CRISP3: variants seen among roughly 807,000 people sequenced by gnomAD.
The protein encoded by CRISP3 is cysteine-rich secretory protein 3.
Under a neutral mutation model 36.1 loss-of-function variants are expected in CRISP3, and 33 were observed. That is an observed-to-expected ratio of 0.91 (90% CI 0.69 to 1.22). CRISP3 has a LOEUF of 1.22. CRISP3 is among the 50% of genes most tolerant of loss of function. The pLI is 0.00. For synonymous variants in CRISP3, 117 were observed against 104.6 expected, an observed-to-expected ratio of 1.12 and a Z score of -0.72; for missense variants, 330 against 301.2, an observed-to-expected ratio of 1.10 and a Z score of -0.71.
intron 1 of CRISP3, among the ~76,000 whole-genome samples, chr6:49,740,361 G>A (rs1769166071): frequency 6.6e-6 from 1 of 152,308 alleles, no homozygotes; most frequent in Middle Eastern, 3.4e-3. Context: ...GCTAAGAGAA[G>A]AATTAATCAA....
In CRISP3 at chr6:49,741,613, T is replaced by A. The variant is rs1006896523; in HGVS notation, c.37+2718A>T. Among the ~76,000 whole-genome samples the A allele has an allele frequency of 3.4e-3, 323 of 95,714 alleles. 2 individuals carry two copies. The highest frequency in any genetic ancestry group is 7.1e-3 in the Admixed American group (71 of 9,956). 62.8% of individuals were successfully genotyped at this position (95,714 alleles called of 152,430 possible). On this transcript the variant is annotated intron_variant, in intron 1 of 7. Transcript: ENST00000263045. ...ATTAAATTCAACCCCTGTATGTAGT[T>A]TTTTTTTTTTTTTTTTTTTTTAAAG... is the stretch of plus-strand genomic sequence containing the variant.
In CRISP3 at chr6:49,733,881, A is replaced by C. The variant is rs534759956; in HGVS notation, c.317-33T>G. 168 of 1,603,024 alleles carry C rather than the reference A, an allele frequency of 1.0e-4. 1 individual carries two copies. In the East Asian group the frequency reaches 3.7e-3, roughly 35 times the overall value. ...GGAACAGACCACTCATGAGGAAAGC[A>C]ATAAAGCATGCAATGGCAAAATACA... On this transcript the variant is annotated intron_variant, in intron 4 of 7. Transcript: ENST00000263045.
rs1006605504 is a variant in CRISP3 at position 49,727,620 on chromosome 6, T to C, written c.*1110A>G. ...GATCTTTTTCTGTTCCAGGATCTGA[T>C]CCAAGAAGCACATTGCATTTGGCTC... is the stretch of plus-strand genomic sequence containing the variant. On this transcript the variant is annotated 3_prime_UTR_variant, in exon 8 of 8. Transcript: ENST00000263045. 6.6e-6 allele frequency: 1 copy of C among 152,150 alleles called. No individual in the cohort carries two copies. Among genetic ancestry groups the C allele is most frequent in the African/African-American group, 2.4e-5 (1 of 41,452 alleles). The allele number at this position is 152,150 out of a possible 1,614,324, so 9.4% of individuals were successfully genotyped here.
rs377601560 is a variant in CRISP3, at chr6:49,728,753, T to G, written c.754A>C (p.Asn252His). The change falls in exon 8 of 8, where the codon AAT becomes CAT. Residue 252 changes from asparagine (N) to histidine (H), a missense_variant. Asn to His is a moderately conservative substitution (Grantham distance 68, BLOSUM62 1). Transcript: ENST00000263045. The part of the protein sequence containing the change: ...LVRDSCKASC[N>H]CSNSIY ...ATTTAATAAATGCTGTTTGAACAAT[T>G]GCAGGAGGCCTTGCAACTGTCCCTG... 1 of 1,611,802 alleles carries G rather than the reference T, an allele frequency of 6.2e-7. No individual in the cohort carries two copies. Among genetic ancestry groups the G allele is most frequent in the Admixed American group, 1.7e-5 (1 of 59,754 alleles).
intron 6 of CRISP3, 103 bp from the exon 7 acceptor site, chr6:49,731,354 G>A: frequency 2.0e-6 from 1 of 504,780 alleles, no homozygotes; most frequent in South Asian, 4.4e-5. Context: ...TTTATTAAAT[G>A]TTTTTAATTA....
chr6:49,732,723 G>A (rs925578219), intron 6 of CRISP3, among the ~76,000 whole-genome samples: 2 of 152,152 alleles, frequency 1.3e-5, no homozygotes, highest in Non-Finnish European at 2.9e-5. Flanking sequence ...ATTTCTTAAT[G>A]TATAATGTGA....
intron 7 of CRISP3, among the ~76,000 whole-genome samples, chr6:49,730,113 T>C (rs1269403184): frequency 6.6e-6 from 1 of 152,122 alleles, no homozygotes; most frequent in Admixed American, 6.6e-5. Flanking sequence ...GTGAATGCAT[T>C]TGAAAGGTAA....
intron 1 of CRISP3, among the ~76,000 whole-genome samples, chr6:49,739,482 T>C (rs1386379497): frequency 6.6e-6 from 1 of 152,170 alleles, no homozygotes; most frequent in East Asian, 1.9e-4. Context: ...AGTAAAATTT[T>C]ATTTCCTTTT....
intron 1 of CRISP3, among the ~76,000 whole-genome samples, chr6:49,739,226 G>T (rs1023763069): frequency 6.6e-6 from 1 of 152,102 alleles, no homozygotes; most frequent in African/African-American, 2.4e-5. Flanking sequence ...GAGCAAAAGA[G>T]GAAAAACAGA....
intron 6 of CRISP3, 33 bp from the exon 7 acceptor site, chr6:49,731,284 T>A: frequency 1.4e-6 from 2 of 1,437,846 alleles, no homozygotes; most frequent in Non-Finnish European, 9.7e-7. Context: ...CAAATATTTT[T>A]CATTTTTATG....
At chr6:49,740,945 C>CA (rs1156637234) in intron 1 of CRISP3, among the ~76,000 whole-genome samples, 1 of 151,384 alleles carries the variant, frequency 6.6e-6, no homozygotes, top group Admixed American at 6.6e-5. Flanking sequence ...ACTAAAAATA[C>CA]AAAAAATTAG....
chr6:49,735,356 G>A, intron 4 of CRISP3, 148 bp downstream of exon 4: 1 of 592,738 alleles, frequency 1.7e-6, no homozygotes, highest in East Asian at 3.0e-5. Context: ...GTGCTTCTCA[G>A]AGTTATCTCT....
At chr6:49,741,331 T>C (rs1339083064) in intron 1 of CRISP3, among the ~76,000 whole-genome samples, 1 of 151,958 alleles carries the variant, frequency 6.6e-6, no homozygotes, top group Admixed American at 6.6e-5. Flanking sequence ...AAATGTAATC[T>C]GAGGAGTGGA....
chr6:49,730,112 T>C (rs1326548119), intron 7 of CRISP3, among the ~76,000 whole-genome samples: 1 of 152,116 alleles, frequency 6.6e-6, no homozygotes, highest in Non-Finnish European at 1.5e-5. Context: ...GGTGAATGCA[T>C]TTGAAAGGTA....
chr6:49,737,428 T>G, intron 1 of CRISP3, 30 bp from the exon 2 acceptor site: 1 of 1,613,408 alleles, frequency 6.2e-7, no homozygotes. Flanking sequence ...GGAACAGGGA[T>G]CTGCATTAAA....
chr6:49,741,161 A>C (rs1769192123), intron 1 of CRISP3, among the ~76,000 whole-genome samples: 1 of 151,336 alleles, frequency 6.6e-6, no homozygotes, highest in African/African-American at 2.4e-5. Flanking sequence ...CAAAAAAAAA[A>C]AAACAAAAAA....
intron 6 of CRISP3, among the ~76,000 whole-genome samples, chr6:49,731,732 A>T (rs1448945130): frequency 6.6e-6 from 1 of 152,178 alleles, no homozygotes; most frequent in East Asian, 1.9e-4. Context: ...AATATGAGGT[A>T]GGGTAAGTAC....
intron 5 of CRISP3, 84 bp from the exon 6 acceptor site, chr6:49,733,376 A>G (rs1423730372): frequency 1.7e-5 from 16 of 937,148 alleles, no homozygotes. Flanking sequence ...TACAAAATGG[A>G]GAAGAATGTT....
chr6:49,733,875 G>T, intron 4 of CRISP3, 27 bp from the exon 5 acceptor site: 1 of 1,607,008 alleles, frequency 6.2e-7, no homozygotes, highest in South Asian at 1.1e-5. Flanking sequence ...CACTCATGAG[G>T]AAAGCAATAA....
Sources: gnomAD v4.1 joint callset for allele counts (sites outside exome capture counted in the v4.1 genomes callset) on GRCh38, gnomAD v4.1.1 for gene constraint, MANE v1.5 for transcripts, NCBI Gene and HGNC (gene_info 2026-07-23, HGNC 2026-07-21) for gene names.